GABRG2: variants seen among roughly 807,000 people sequenced by gnomAD.
GABRG2 encodes the protein gamma-aminobutyric acid type A receptor subunit gamma2.
GABRG2 carries 16 observed loss-of-function variants against 56.4 expected under a neutral mutation model. That is an observed-to-expected ratio of 0.28 (90% CI 0.19 to 0.43). The LOEUF is 0.43. Ranked by LOEUF, GABRG2 falls within the 20% of genes least tolerant of loss-of-function variation. The probability of loss-of-function intolerance (pLI) is 1.00; values close to 1 mark genes in which losing one functional copy is unlikely to be tolerated. For synonymous variants in GABRG2, 208 were observed against 205.5 expected (o/e 1.01, Z -0.10); for missense variants, 327 against 582.7 (o/e 0.56, Z 4.52).
rs1277055086 is a variant in GABRG2 at position 162,149,334 on chromosome 5, G to T, written c.1128+21G>T. 4 of 1,609,716 alleles carry T rather than the reference G, an allele frequency of 2.5e-6. No homozygotes were observed. The African/African-American group carries it at 5.3e-5, about 22-fold the overall frequency. Reference sequence around the variant, plus strand: ...ACCCTGTATGTATCATTTTCCATTGGCACCATTGAAATTTTTATGATTTCG... The same window carrying T: ...ACCCTGTATGTATCATTTTCCATTGTCACCATTGAAATTTTTATGATTTCG... On this transcript the variant is annotated intron_variant, in intron 8 of 9. Coordinates refer to ENST00000639213, the MANE Select transcript of GABRG2 (RefSeq NM_198904.4).
At chr5:162,145,185 G>A (rs990798747) in intron 7 of GABRG2, among the ~76,000 whole-genome samples, 2 of 152,170 alleles carry the variant, frequency 1.3e-5, no homozygotes, top group Non-Finnish European at 2.9e-5. Context: ...AGAGATACTG[G>A]CTGTTTTCTG....
At chr5:162,078,384 TA>T (rs1561636151) in intron 1 of GABRG2, among the ~76,000 whole-genome samples, 21 of 35,454 alleles carry the variant, frequency 5.9e-4, no homozygotes, top group Middle Eastern at 8.2e-3. Flanking sequence ...TATATATATA[TA>T]TATATATATA....
intron 7 of GABRG2, among the ~76,000 whole-genome samples, chr5:162,145,055 A>G (rs1764855713): frequency 6.6e-6 from 1 of 152,174 alleles, no homozygotes; most frequent in Non-Finnish European, 1.5e-5. Context: ...ACTTTTCTCA[A>G]TGTTTACAAT....
At position 162,131,322 on chromosome 5, in the gene GABRG2, A is replaced by C. The variant is rs1763739665; in HGVS notation, c.770-10842A>C. On this transcript the variant is annotated intron_variant, in intron 6 of 9. Transcript: ENST00000639213. ...TCTAGTGCAGAAGCACATATGTGCT[A>C]ATGTGCGTGGTGAACCTCCAGTGGT... Among the ~76,000 whole-genome samples the C allele has an allele frequency of 2.6e-5, 4 of 152,066 alleles. No homozygotes were observed. In the South Asian group the frequency reaches 8.3e-4, roughly 31 times the overall value.
In GABRG2 at chr5:162,104,038, T is replaced by G. The variant is rs1761627675; in HGVS notation, c.769+12T>G. 6 of 1,613,682 alleles carry G rather than the reference T, an allele frequency of 3.7e-6. No individual in the cohort carries two copies. Among genetic ancestry groups the G allele is most frequent in the African/African-American group, 1.3e-5 (1 of 74,924 alleles). ...GAAGACAACTTCCGGTAAGATGCAC[T>G]GGCAAAGAATTTCAAGTGACCCTTC... is the stretch of plus-strand genomic sequence containing the variant. On this transcript the variant is annotated intron_variant, in intron 6 of 9. Transcript: ENST00000639213.
intron 8 of GABRG2, chr5:162,149,912 C>A: frequency 4.2e-6 from 1 of 236,646 alleles, no homozygotes; most frequent in Non-Finnish European, 8.5e-6. Context: ...CTGCGCCTGG[C>A]CATGATAATA....
At chr5:162,109,666 A>G (rs1438825672) in intron 6 of GABRG2, among the ~76,000 whole-genome samples, 1 of 151,992 alleles carries the variant, frequency 6.6e-6, no homozygotes. Context: ...ATACAACAGT[A>G]TATCATTCAT....
At chr5:162,134,778 G>C (rs1281646287) in intron 6 of GABRG2, among the ~76,000 whole-genome samples, 1 of 151,996 alleles carries the variant, frequency 6.6e-6, no homozygotes, top group Non-Finnish European at 1.5e-5. Flanking sequence ...CCAAAATAAA[G>C]CCATCTCAGC....
intron 1 of GABRG2, among the ~76,000 whole-genome samples, chr5:162,080,810 G>A (rs1489558936): frequency 1.3e-5 from 2 of 152,054 alleles, no homozygotes; most frequent in Non-Finnish European, 2.9e-5. Context: ...CAAAATCTTA[G>A]CGAGACCAAG....
chr5:162,101,083 T>G, intron 4 of GABRG2, 152 bp from the exon 5 acceptor site: 1 of 662,608 alleles, frequency 1.5e-6, no homozygotes, highest in Non-Finnish European at 2.7e-6. Context: ...AATTTTTTCC[T>G]GGACTTGGTG....
chr5:162,123,503 T>C (rs1561652307), intron 6 of GABRG2, among the ~76,000 whole-genome samples: 1 of 151,732 alleles, frequency 6.6e-6, no homozygotes, highest in African/African-American at 2.4e-5. Flanking sequence ...TCAAAACAAA[T>C]AAAAAAATTT....
chr5:162,125,466 C>T (rs1034568898), intron 6 of GABRG2, among the ~76,000 whole-genome samples: 12 of 143,348 alleles, frequency 8.4e-5, no homozygotes, highest in African/African-American at 2.7e-4. Context: ...GAGGTCTCAA[C>T]GCAAATGTAG....
At chr5:162,129,152 A>T (rs1763542862) in intron 6 of GABRG2, 1 of 152,044 alleles carries the variant, frequency 6.6e-6, no homozygotes, top group Admixed American at 6.6e-5. Context: ...CAATAGCCAA[A>T]CTGGCATAGG....
At chr5:162,068,650 A>G (rs1366761116) in intron 1 of GABRG2, among the ~76,000 whole-genome samples, 1 of 152,094 alleles carries the variant, frequency 6.6e-6, no homozygotes, top group Non-Finnish European at 1.5e-5. Context: ...TTGACCCAAC[A>G]GCCAACTACC....
chr5:162,099,167 A>G (rs1761224607), intron 4 of GABRG2: 1 of 152,212 alleles, frequency 6.6e-6, no homozygotes, highest in Non-Finnish European at 1.5e-5. Flanking sequence ...ATCAGTTATT[A>G]GAAAAAGCCA....
At chr5:162,140,597 A>G (rs754182432) in intron 6 of GABRG2, among the ~76,000 whole-genome samples, 8 of 152,178 alleles carry the variant, frequency 5.3e-5, no homozygotes, top group Non-Finnish European at 1.2e-4. Context: ...CACAAAGCCA[A>G]CTAATCAAGC....
chr5:162,117,459 A>G (rs1032939643), intron 6 of GABRG2, among the ~76,000 whole-genome samples: 1 of 152,128 alleles, frequency 6.6e-6, no homozygotes, highest in Non-Finnish European at 1.5e-5. Context: ...AAAAATCCTT[A>G]ATGTCTCTAA....
chr5:162,118,562 T>C (rs1762779342), intron 6 of GABRG2, among the ~76,000 whole-genome samples: 1 of 152,128 alleles, frequency 6.6e-6, no homozygotes, highest in Non-Finnish European at 1.5e-5. Context: ...CAGGTAAACT[T>C]ATAAACATGT....
intron 1 of GABRG2, among the ~76,000 whole-genome samples, chr5:162,088,294 C>G (rs932329964): frequency 6.6e-6 from 1 of 152,230 alleles, no homozygotes; most frequent in South Asian, 2.1e-4. Context: ...TGTACACTCA[C>G]CTACTCTGCC....
Sources: allele counts gnomAD v4.1 joint callset (sites outside exome capture counted in the v4.1 genomes callset), GRCh38; gene constraint gnomAD v4.1.1; transcripts MANE v1.5; gene names NCBI Gene and HGNC (gene_info 2026-07-23, HGNC 2026-07-21).